The following DOCK2 variants were observed in gnomAD, a reference collection of about 807,000 sequenced individuals.
The protein encoded by DOCK2 is dedicator of cytokinesis protein 2.
In DOCK2, 87 loss-of-function variants were observed where a neutral mutation model predicts 248.9. That is an observed-to-expected ratio of 0.35 (90% confidence interval 0.29 to 0.42). The LOEUF is 0.42. Ranked by LOEUF, DOCK2 falls within the 10% of genes least tolerant of loss-of-function variation. The probability of loss-of-function intolerance (pLI) is 1.00; values close to 1 mark genes in which losing one functional copy is unlikely to be tolerated. For synonymous variants in DOCK2, 805 were observed against 821.6 expected (o/e 0.98, Z 0.35); for missense variants, 1,747 against 2,300.2 (o/e 0.76, Z 4.92).
At chr5:169,853,562 G>A (rs539513102) in intron 27 of DOCK2, among the ~76,000 whole-genome samples, 1 of 152,260 alleles carries the variant, frequency 6.6e-6, no homozygotes, top group Non-Finnish European at 1.5e-5. Context: ...AGAGAGGGTT[G>A]CAGGAATGAA....
At chr5:169,877,797 CCCTGGACAAACAAAA>C (rs1434026449) in intron 27 of DOCK2, among the ~76,000 whole-genome samples, 2 of 151,994 alleles carry the variant, frequency 1.3e-5, no homozygotes, top group Non-Finnish European at 2.9e-5. Flanking sequence ...TCCAGGTGGA[CCCTGGACAAACAAAA>C]CCTCTTCTAT....
intron 27 of DOCK2, among the ~76,000 whole-genome samples, chr5:169,955,988 G>A (rs1776849547): frequency 6.6e-6 from 1 of 151,794 alleles, no homozygotes; most frequent in Non-Finnish European, 1.5e-5. Context: ...ACAGGGTGTG[G>A]CTCTGGAGCT....
chr5:169,784,113 T>A (rs1765858683), intron 25 of DOCK2, among the ~76,000 whole-genome samples: 1 of 112,570 alleles, frequency 8.9e-6, no homozygotes, highest in Admixed American at 1.1e-4. Flanking sequence ...TGGATTGTGG[T>A]CAATTTCATT....
At chr5:170,037,644 A>G (rs1447408706) in intron 36 of DOCK2, among the ~76,000 whole-genome samples, 2 of 151,720 alleles carry the variant, frequency 1.3e-5, no homozygotes, top group Non-Finnish European at 2.9e-5. Context: ...GCACCACCAC[A>G]CCTGGCTAAT....
At chr5:169,906,489 A>G (rs1049801078) in intron 27 of DOCK2, among the ~76,000 whole-genome samples, 1 of 151,490 alleles carries the variant, frequency 6.6e-6, no homozygotes, top group African/African-American at 2.4e-5. Flanking sequence ...TTGTTACGTT[A>G]TGTTATGTTA....
At chr5:169,895,153 C>T (rs1773524855) in intron 27 of DOCK2, among the ~76,000 whole-genome samples, 1 of 152,216 alleles carries the variant, frequency 6.6e-6, no homozygotes, top group Non-Finnish European at 1.5e-5. Flanking sequence ...AATTGCCTCT[C>T]ACCTGATGGG....
chr5:169,721,983 G>A (rs1349522602), intron 22 of DOCK2, among the ~76,000 whole-genome samples: 16 of 152,180 alleles, frequency 1.1e-4, no homozygotes, highest in Non-Finnish European at 2.4e-4. Flanking sequence ...GGCAGAGCAG[G>A]TTCTAGCTTC....
At chr5:170,008,219 CAACAACAAAA>C (rs769076115) in intron 30 of DOCK2, among the ~76,000 whole-genome samples, 1 of 42,040 alleles carries the variant, frequency 2.4e-5, no homozygotes, top group African/African-American at 1.2e-4. Flanking sequence ...ACAACAACAA[CAACAACAAAA>C]AAAAAAAAAC....
chr5:169,871,526 G>A (rs1388439433), intron 27 of DOCK2, among the ~76,000 whole-genome samples: 1 of 152,182 alleles, frequency 6.6e-6, no homozygotes, highest in Non-Finnish European at 1.5e-5. Context: ...TTATAAATGA[G>A]AAAACTGAGG....
intron 27 of DOCK2, among the ~76,000 whole-genome samples, chr5:169,959,922 G>C (rs988897238): frequency 6.6e-6 from 1 of 152,228 alleles, no homozygotes; most frequent in South Asian, 2.1e-4. Flanking sequence ...ATATTTGGAA[G>C]GGGTGCAAAC....
chr5:169,859,686 C>T (rs1771075622), intron 27 of DOCK2, among the ~76,000 whole-genome samples: 1 of 152,200 alleles, frequency 6.6e-6, no homozygotes, highest in African/African-American at 2.4e-5. Flanking sequence ...ACACATTCCA[C>T]CCACCAACCA....
intron 27 of DOCK2, among the ~76,000 whole-genome samples, chr5:169,861,842 C>A (rs575345481): frequency 6.6e-6 from 1 of 152,124 alleles, no homozygotes. Flanking sequence ...CCAAGCAATG[C>A]GGTGTTGTGC....
chr5:170,016,374 G>A (rs151156408), intron 32 of DOCK2, among the ~76,000 whole-genome samples: 165 of 152,270 alleles, frequency 1.1e-3, no homozygotes, highest in African/African-American at 3.6e-3. Flanking sequence ...TGTGTTCTGC[G>A]TGCATGTGTA....
At chr5:169,914,668 G>A (rs562265929) in intron 27 of DOCK2, among the ~76,000 whole-genome samples, 81 of 152,340 alleles carry the variant, frequency 5.3e-4, no homozygotes, top group Middle Eastern at 3.4e-3. Flanking sequence ...TGGCATCTTA[G>A]TAGTAACCTG....
At chr5:169,891,948 A>T (rs967746217) in intron 27 of DOCK2, among the ~76,000 whole-genome samples, 13 of 147,170 alleles carry the variant, frequency 8.8e-5, no homozygotes, top group Non-Finnish European at 1.8e-4. Flanking sequence ...GTGAGCCGAG[A>T]TTGTGCCATT....
intron 27 of DOCK2, among the ~76,000 whole-genome samples, chr5:169,856,623 G>A (rs934401129): frequency 2.0e-5 from 3 of 152,224 alleles, no homozygotes; most frequent in African/African-American, 7.2e-5. Flanking sequence ...AAACAAAAAA[G>A]CACACCAAAG....
intron 47 of DOCK2, 65 bp from the exon 48 acceptor site, chr5:170,077,645 G>A (rs1757880693): frequency 3.1e-6 from 5 of 1,595,686 alleles, no homozygotes; most frequent in Non-Finnish European, 4.3e-6. Flanking sequence ...GGAAGAAGGT[G>A]ACAGGAAGGC....
In DOCK2 at chr5:169,751,263, T is replaced by C. The variant is rs538917648; in HGVS notation, c.2376+3759T>C. 2.6e-4 allele frequency among the ~76,000 whole-genome samples: 40 copies of C among 152,318 alleles called. 2 individuals carry two copies. The South Asian group carries it at 8.1e-3, about 31-fold the overall frequency. The stretch of plus-strand genomic sequence containing the variant: ...CCTAATTTTGTTACACAAGACTAAA[T>C]AGTGTTAGGATGTTCAGTTATTCAG... On this transcript the variant is annotated intron_variant, in intron 23 of 51. Transcript: ENST00000520908.
chr5:169,823,864 A>T (rs986864638), intron 26 of DOCK2, among the ~76,000 whole-genome samples: 5 of 152,212 alleles, frequency 3.3e-5, no homozygotes, highest in African/African-American at 1.2e-4. Flanking sequence ...TTGTATATCT[A>T]GAAAACCCCA....
Sources: gnomAD v4.1 joint callset for allele counts (sites outside exome capture counted in the v4.1 genomes callset) on GRCh38, gnomAD v4.1.1 for gene constraint, MANE v1.5 for transcripts, NCBI Gene and HGNC (gene_info 2026-07-23, HGNC 2026-07-21) for gene names.